The following PDE4D variants were observed in gnomAD, a reference collection of about 807,000 sequenced individuals.
The protein encoded by PDE4D is 3',5'-cyclic-AMP phosphodiesterase 4D.
A neutral mutation model predicts 87.4 loss-of-function variants in PDE4D; 24 were observed. The observed-to-expected ratio is 0.27, with a 90% CI of 0.20 to 0.39. The LOEUF is 0.39. PDE4D is among the 10% of genes least tolerant of loss of function. The probability of loss-of-function intolerance (pLI) is 1.00; values close to 1 mark genes in which losing one functional copy is unlikely to be tolerated. For missense variants in PDE4D, 714 were observed against 1,041.0 expected, an observed-to-expected ratio of 0.69 and a Z score of 4.32; for synonymous variants, 384 against 383.2, an observed-to-expected ratio of 1.00 and a Z score of -0.02.
At chr5:59,500,052 G>T (rs1368787814) in intron 1 of PDE4D, among the ~76,000 whole-genome samples, 1 of 152,002 alleles carries the variant, frequency 6.6e-6, no homozygotes, top group African/African-American at 2.4e-5. Context: ...CAACCAATGA[G>T]ATACTATCTC....
At chr5:59,327,922 G>A (rs1458120836) in intron 1 of PDE4D, among the ~76,000 whole-genome samples, 2 of 151,996 alleles carry the variant, frequency 1.3e-5, no homozygotes, top group African/African-American at 4.8e-5. Flanking sequence ...GGTGGATAAG[G>A]GGGATCAAAT....
intron 1 of PDE4D, among the ~76,000 whole-genome samples, chr5:60,252,260 G>A (rs954385173): frequency 1.6e-4 from 25 of 151,756 alleles, no homozygotes; most frequent in African/African-American, 5.6e-4. Flanking sequence ...AAAATACATG[G>A]GGGTGGAGAA....
intron 1 of PDE4D, among the ~76,000 whole-genome samples, chr5:59,392,123 G>GT (rs1788358944): frequency 6.6e-6 from 1 of 151,858 alleles, no homozygotes; most frequent in African/African-American, 2.4e-5. Flanking sequence ...ATAATCCTGA[G>GT]TGTGAACTTG....
At chr5:59,256,616 A>C (rs146900841) in intron 1 of PDE4D, among the ~76,000 whole-genome samples, 1 of 152,180 alleles carries the variant, frequency 6.6e-6, no homozygotes, top group Non-Finnish European at 1.5e-5. Flanking sequence ...TCACGTTTTG[A>C]TGATGTTACT....
At chr5:59,214,011 C>A (rs1284846839) in intron 2 of PDE4D, among the ~76,000 whole-genome samples, 1 of 149,100 alleles carries the variant, frequency 6.7e-6, no homozygotes, top group African/African-American at 2.5e-5. Flanking sequence ...CACTGGCTGT[C>A]CCCCAACATA....
chr5:60,049,779 C>A (rs1476094428), intron 2 of PDE4D, among the ~76,000 whole-genome samples: 1 of 152,312 alleles, frequency 6.6e-6, no homozygotes, highest in African/African-American at 2.4e-5. Flanking sequence ...AGCTGTCAGA[C>A]AAGGACATTT....
intron 1 of PDE4D, among the ~76,000 whole-genome samples, chr5:59,641,535 G>T (rs1330352651): frequency 6.6e-6 from 1 of 152,072 alleles, no homozygotes; most frequent in Non-Finnish European, 1.5e-5. Context: ...ATCACAATAG[G>T]AGTCTTAAAA....
rs186048195 is a variant in PDE4D at position 59,426,591 on chromosome 5, C to T, written c.456-210623G>A. ...CCTCACCAGCACTCCCACAAGCACC[C>T]CCCTACCACCCCACCCTGCCCCGAC... On this transcript the variant is annotated intron_variant, in intron 1 of 14. Coordinates refer to ENST00000340635, the MANE Select transcript of PDE4D (RefSeq NM_001104631.2). Among the ~76,000 whole-genome samples the T allele has an allele frequency of 8.7e-3, 1,329 of 152,204 alleles. 6 individuals are homozygous for T. Among genetic ancestry groups the T allele is most frequent in the Non-Finnish European group, 0.013 (870 of 68,026 alleles).
chr5:59,649,902 AACCTTTTTTT>A lies in PDE4D; in HGVS notation c.455+243256_455+243265del, dbSNP rs1253571229. 6.9e-5 allele frequency among the ~76,000 whole-genome samples: 3 copies of A among 43,794 alleles called. 1 individual carries two copies. Among genetic ancestry groups the A allele is most frequent in the Non-Finnish European group, 4.2e-5 (1 of 23,892 alleles). The allele number at this position is 43,794 out of a possible 152,430, so 28.7% of individuals were successfully genotyped here. A position where few individuals can be genotyped will look rare whatever the true frequency, so the allele number is the denominator to read the frequency against. ...ATTGTTAAAATGTTGATAGTTTGTG[AACCTTTTTTT>A]TTTTTTTTTTTTTTTTTTTTAGCAA... On this transcript the variant is annotated intron_variant, in intron 1 of 14. Transcript: ENST00000340635.
intron 1 of PDE4D, among the ~76,000 whole-genome samples, chr5:59,888,070 T>C (rs60204066): frequency 0.22 from 33,601 of 152,168 alleles, 4,694 homozygotes; most frequent in Admixed American, 0.34. Context: ...TGGACAGTGG[T>C]GGACTAGGTT....
chr5:59,993,221 A>G (rs1763188083), intron 2 of PDE4D, among the ~76,000 whole-genome samples: 1 of 152,176 alleles, frequency 6.6e-6, no homozygotes. Flanking sequence ...AGGGCTTATG[A>G]GTCTGAATAA....
At chr5:60,000,449 A>C (rs913301871) in intron 2 of PDE4D, among the ~76,000 whole-genome samples, 2 of 152,166 alleles carry the variant, frequency 1.3e-5, no homozygotes, top group African/African-American at 4.8e-5. Context: ...CTGAAAGAAA[A>C]AGTCTGTCAA....
chr5:59,010,124 G>C (rs1329254354), intron 6 of PDE4D, among the ~76,000 whole-genome samples: 2 of 152,148 alleles, frequency 1.3e-5, no homozygotes, highest in Non-Finnish European at 2.9e-5. Context: ...TCAGGAGTTT[G>C]AGATCAGCCT....
chr5:59,859,788 A>T (rs1745987193), intron 1 of PDE4D, among the ~76,000 whole-genome samples: 2 of 152,178 alleles, frequency 1.3e-5, no homozygotes, highest in African/African-American at 4.8e-5. Context: ...AGCCCAAGGT[A>T]ATCAGGGAAG....
rs184544892 is a variant in PDE4D, at chr5:59,547,747, T to A, written c.456-331779A>T. On this transcript the variant is annotated intron_variant, in intron 1 of 14. Coordinates refer to ENST00000340635, the MANE Select transcript of PDE4D (RefSeq NM_001104631.2). ...TGTATCTCTGAATACTTGTCATGCA[T>A]CTTCTCCTCTTATTCTGATAAAGAA... is the stretch of plus-strand genomic sequence containing the variant. Among the ~76,000 whole-genome samples the A allele has an allele frequency of 1.8e-4, 27 of 152,312 alleles. No homozygotes were observed. The East Asian group carries it at 3.1e-3, about 17-fold the overall frequency.
At position 59,893,716 on chromosome 5, in the gene PDE4D, G is replaced by C; in HGVS notation, c.-94C>G. 7.3e-7 allele frequency: 1 copy of C among 1,378,148 alleles called. No individual in the cohort carries two copies. 85.4% of individuals were successfully genotyped at this position (1,378,148 alleles called of 1,614,324 possible). Reference sequence around the variant, plus strand: ...TGCTGCTGCTGCTGCTGCCGCCGCCGCCGCTTCTGCAGCCCAGCAGAGGCT... The same window carrying C: ...TGCTGCTGCTGCTGCTGCCGCCGCCCCCGCTTCTGCAGCCCAGCAGAGGCT... On this transcript the variant is annotated 5_prime_UTR_variant, in exon 1 of 15. Transcript: ENST00000340635.
chr5:60,476,110 C>G (rs1463234528), intron 1 of PDE4D, among the ~76,000 whole-genome samples: 1 of 152,184 alleles, frequency 6.6e-6, no homozygotes, highest in Non-Finnish European at 1.5e-5. Context: ...ACACTCAATA[C>G]TTTTTCCTCA....
intron 5 of PDE4D, among the ~76,000 whole-genome samples, chr5:59,167,842 T>C (rs957636493): frequency 2.0e-5 from 3 of 152,138 alleles, no homozygotes; most frequent in Non-Finnish European, 2.9e-5. Flanking sequence ...CCTTGGGTCC[T>C]TGGAGCCTAA....
chr5:59,468,974 G>A (rs1301131635), intron 1 of PDE4D, among the ~76,000 whole-genome samples: 1 of 152,152 alleles, frequency 6.6e-6, no homozygotes. Context: ...ATGAGACATT[G>A]TAGTGTTGGT....
Sources: allele counts gnomAD v4.1 joint callset (sites outside exome capture counted in the v4.1 genomes callset), GRCh38; gene constraint gnomAD v4.1.1; transcripts MANE v1.5; gene names NCBI Gene and HGNC (gene_info 2026-07-23, HGNC 2026-07-21).